The following FGF14 variants were observed in gnomAD, a reference collection of about 807,000 sequenced individuals.
FGF14 encodes the protein fibroblast growth factor 14, also known as fibroblast growth factor homologous factor 4.
Under a neutral mutation model 25.5 loss-of-function variants are expected in FGF14, and 5 were observed. The observed-to-expected ratio is 0.20, with a 90% CI of 0.10 to 0.41. The LOEUF (loss-of-function observed/expected upper bound fraction) is 0.41. Ranked by LOEUF, FGF14 falls within the 10% of genes least tolerant of loss-of-function variation. The probability of loss-of-function intolerance (pLI) is 1.00; values close to 1 mark genes in which losing one functional copy is unlikely to be tolerated. For synonymous variants in FGF14, 138 were observed against 118.3 expected, an observed-to-expected ratio of 1.17 and a Z score of -1.08; for missense variants, 222 against 320.1, an observed-to-expected ratio of 0.69 and a Z score of 2.34.
chr13:102,033,665 A>G (rs1429967418), intron 1 of FGF14, among the ~76,000 whole-genome samples: 1 of 152,168 alleles, frequency 6.6e-6, no homozygotes, highest in African/African-American at 2.4e-5. Flanking sequence ...CATAAGCTTA[A>G]GAAAAGAGAG....
At chr13:101,869,605 T>C (rs2044935239) in intron 2 of FGF14, among the ~76,000 whole-genome samples, 1 of 152,198 alleles carries the variant, frequency 6.6e-6, no homozygotes, top group Non-Finnish European at 1.5e-5. Context: ...GCTTGATGAT[T>C]TTGGAGATTT....
intron 1 of FGF14, among the ~76,000 whole-genome samples, chr13:102,118,089 C>T (rs879521700): frequency 2.6e-5 from 4 of 152,028 alleles, no homozygotes; most frequent in Non-Finnish European, 5.9e-5. Flanking sequence ...TAACACAGAA[C>T]TCTGTGTATA....
intron 1 of FGF14, among the ~76,000 whole-genome samples, chr13:101,880,570 AC>A (rs1223355080): frequency 2.6e-5 from 4 of 152,182 alleles, no homozygotes; most frequent in Non-Finnish European, 4.4e-5. Flanking sequence ...CATCTCAAAA[AC>A]AAACTAACAA....
upstream of FGF14, among the ~76,000 whole-genome samples, chr13:101,919,868 C>G (rs2033868463): frequency 6.6e-6 from 1 of 151,082 alleles, no homozygotes; most frequent in Non-Finnish European, 1.5e-5. Context: ...CTCGAGCGTC[C>G]CGACCCCTGG....
In FGF14 at chr13:102,079,979, A is replaced by G. The variant is rs116982877; in HGVS notation, c.209-204683T>C. On this transcript the variant is annotated intron_variant, in intron 1 of 4. Coordinates refer to the FGF14 transcript ENST00000376131. ...TATGAGACATGGCCAGTAGACTGTAATAGCTGGAGCAGAGTGAGCAAGAGG... is the reference window on the plus strand; with the variant it reads ...TATGAGACATGGCCAGTAGACTGTAGTAGCTGGAGCAGAGTGAGCAAGAGG... 5.3e-3 allele frequency among the ~76,000 whole-genome samples: 813 copies of G among 152,266 alleles called. 7 individuals are homozygous for G. The highest frequency in any genetic ancestry group is 0.021 in the South Asian group (101 of 4,826).
intron 1 of FGF14, among the ~76,000 whole-genome samples, chr13:102,022,615 A>C (rs1299402595): frequency 6.6e-6 from 1 of 152,074 alleles, no homozygotes; most frequent in Non-Finnish European, 1.5e-5. Context: ...TCACATGGCC[A>C]ATACATTTAT....
intron 1 of FGF14, among the ~76,000 whole-genome samples, chr13:102,086,892 G>A (rs2140225663): frequency 6.6e-6 from 1 of 152,324 alleles, no homozygotes; most frequent in South Asian, 2.1e-4. Context: ...TACGTAGAGT[G>A]AGTAAAGGCG....
intron 1 of FGF14, among the ~76,000 whole-genome samples, chr13:101,933,614 C>T (rs1001715921): frequency 5.3e-5 from 8 of 152,128 alleles, no homozygotes; most frequent in Non-Finnish European, 1.2e-4. Flanking sequence ...GTCCCAGCTA[C>T]TCGGGAGGCT....
intron 1 of FGF14, among the ~76,000 whole-genome samples, chr13:101,912,160 T>G (rs1442638825): frequency 6.6e-6 from 1 of 152,164 alleles, no homozygotes; most frequent in Non-Finnish European, 1.5e-5. Flanking sequence ...TTTATTTCTA[T>G]AGGTGTACAT....
chr13:101,847,630 C>G (rs1017197601), intron 3 of FGF14, among the ~76,000 whole-genome samples: 2 of 152,042 alleles, frequency 1.3e-5, no homozygotes, highest in Non-Finnish European at 2.9e-5. Context: ...AGACTTCATA[C>G]CATACTCTGT....
At chr13:102,296,029 G>C (rs12430169) in intron 1 of FGF14, among the ~76,000 whole-genome samples, 7,077 of 152,228 alleles carry the variant, frequency 0.046, 291 homozygotes, top group East Asian at 0.16. Context: ...ATGTAGAACT[G>C]AGTTTGCATT....
chr13:102,055,104 T>C (rs2042373383), intron 1 of FGF14, among the ~76,000 whole-genome samples: 1 of 152,180 alleles, frequency 6.6e-6, no homozygotes, highest in South Asian at 2.1e-4. Flanking sequence ...AGTTCCTTAA[T>C]TGTTTCTCAC....
intron 1 of FGF14, among the ~76,000 whole-genome samples, chr13:102,290,558 T>C (rs970286067): frequency 6.6e-6 from 1 of 152,162 alleles, no homozygotes; most frequent in Non-Finnish European, 1.5e-5. Flanking sequence ...GAGAGAAACA[T>C]ATCTTTGGCT....
rs1006712926 is a variant in FGF14, at chr13:102,306,040, T to C, written c.208+95431A>G. The stretch of plus-strand genomic sequence containing the variant: ...AGCATTCATCCCCTAATGAGGAATA[T>C]ACAACTCATTTTGTCGGAGAGGTAC... On this transcript the variant is annotated intron_variant, in intron 1 of 4. Transcript: ENST00000376131. 4.6e-5 allele frequency among the ~76,000 whole-genome samples: 7 copies of C among 152,190 alleles called. No homozygotes were observed. In the East Asian group the frequency reaches 1.2e-3, roughly 25 times the overall value.
At chr13:102,195,993 C>T (rs751399974) in intron 1 of FGF14, among the ~76,000 whole-genome samples, 3 of 152,050 alleles carry the variant, frequency 2.0e-5, no homozygotes, top group African/African-American at 4.8e-5. Flanking sequence ...GTGGCATTAG[C>T]AACAAGCAAG....
chr13:101,748,747 T>TAAAAAAAA (rs55785965), intron 3 of FGF14, among the ~76,000 whole-genome samples: 1 of 70,694 alleles, frequency 1.4e-5, no homozygotes, highest in African/African-American at 5.4e-5. Context: ...TGGAGGTTTC[T>TAAAAAAAA]AAAAAAAAAA....
chr13:102,262,995 G>C, intron 1 of FGF14: 1 of 519,990 alleles, frequency 1.9e-6, no homozygotes, highest in East Asian at 3.8e-5. Flanking sequence ...ACATGATTGT[G>C]ACCTTCAGAC....
chr13:102,132,272 T>C (rs990826275), intron 1 of FGF14, among the ~76,000 whole-genome samples: 12 of 152,148 alleles, frequency 7.9e-5, no homozygotes, highest in African/African-American at 2.7e-4. Flanking sequence ...CACATAACAT[T>C]AAAAGAAGAA....
intron 3 of FGF14, among the ~76,000 whole-genome samples, chr13:101,759,066 G>A (rs988647337): frequency 6.6e-6 from 1 of 152,202 alleles, no homozygotes; most frequent in Non-Finnish European, 1.5e-5. Context: ...GTCAAGTGCA[G>A]AACAGAGCTA....
Sources: allele counts gnomAD v4.1 joint callset (sites outside exome capture counted in the v4.1 genomes callset), GRCh38; gene constraint gnomAD v4.1.1; transcripts MANE v1.5; gene names NCBI Gene and HGNC (gene_info 2026-07-23, HGNC 2026-07-21).